Variants in DAP3 observed in about 807,000 individuals in gnomAD.
The protein encoded by DAP3 is death associated protein 3.
A neutral mutation model predicts 51.9 loss-of-function variants in DAP3; 28 were observed. That is an observed-to-expected ratio of 0.54 (90% CI 0.40 to 0.74). The LOEUF is 0.74. Ranked by LOEUF, DAP3 falls within the 30% of genes least tolerant of loss-of-function variation. The pLI, the probability that DAP3 is intolerant of heterozygous loss-of-function variation, is 0.00. For missense variants in DAP3, 458 were observed against 483.5 expected (o/e 0.95, Z 0.49); for synonymous variants, 170 against 170.3 (o/e 1.00, Z 0.01).
At position 155,729,074 on chromosome 1, in the gene DAP3, G is replaced by A. The variant is rs1203866775; in HGVS notation, c.636G>A (p.Lys212=). The change falls in exon 8 of 13, where the codon AAG becomes AAA. Residue 212 remains lysine (K), a synonymous_variant. Coordinates refer to ENST00000368336, the MANE Select transcript of DAP3 (RefSeq NM_004632.4). ...TTCAAGAGAAGTATGTCTGGAATAA[G>A]AGAGAAAGCACTGAGAAAGGGAGTC... is the stretch of plus-strand genomic sequence containing the variant. ...IKVQEKYVWN[K]RESTEKGSPL... The A allele has an allele frequency of 1.2e-6, 2 of 1,613,926 alleles. No individual in the cohort carries two copies. The highest frequency in any genetic ancestry group is 1.7e-6 in the Non-Finnish European group (2 of 1,179,998).
chr1:155,719,234 T>A (rs1019504521), intron 3 of DAP3, among the ~76,000 whole-genome samples: 1 of 780 alleles, frequency 1.3e-3, no homozygotes, highest in Non-Finnish European at 0.012. Flanking sequence ...TCTAAAACAA[T>A]TTTTTTTTTT....
At chr1:155,716,450 G>A (rs879617173) in intron 2 of DAP3, among the ~76,000 whole-genome samples, 1 of 152,044 alleles carries the variant, frequency 6.6e-6, no homozygotes, top group Non-Finnish European at 1.5e-5. Flanking sequence ...GCGGGTGCCT[G>A]TAGTCCCAGC....
intron 1 of DAP3, among the ~76,000 whole-genome samples, chr1:155,693,792 T>A (rs942209209): frequency 2.8e-5 from 4 of 141,178 alleles, no homozygotes; most frequent in Admixed American, 1.3e-4. Flanking sequence ...AGAAACCCCC[T>A]CTCTACTAAA....
intron 6 of DAP3, chr1:155,727,377 G>C (rs1434921880): frequency 1.7e-5 from 5 of 298,428 alleles, no homozygotes; most frequent in African/African-American, 8.8e-5. Context: ...GGCTGAGGCA[G>C]GATGATTGCC....
intron 5 of DAP3, 136 bp downstream of exon 5, chr1:155,725,626 G>A (rs1473116769): frequency 1.3e-5 from 11 of 840,540 alleles, no homozygotes; most frequent in Middle Eastern, 2.3e-4. Flanking sequence ...AGTTTGGGAA[G>A]CCGAGGCAGG....
At chr1:155,738,074 G>A (rs1406754330) in intron 12 of DAP3, 83 bp from the exon 13 acceptor site, 2 of 1,348,520 alleles carry the variant, frequency 1.5e-6, no homozygotes, top group South Asian at 1.2e-5. Context: ...TTTGGATATG[G>A]TAGCCTCTGA....
chr1:155,706,509 C>T (rs533307366), intron 1 of DAP3, among the ~76,000 whole-genome samples: 16 of 152,250 alleles, frequency 1.1e-4, no homozygotes, highest in East Asian at 7.7e-4. Context: ...CGGTGGCTCA[C>T]GCCTGTAATC....
At position 155,725,479 on chromosome 1, in the gene DAP3, G is replaced by A; in HGVS notation, c.368G>A (p.Arg123Gln). ...ACCAGTTTTGCTTATCCAGCTATAC[G>A]ATATCTTCTGTGTATCCTTTCCTGC... is the stretch of plus-strand genomic sequence containing the variant. ...KNTSFAYPAI[R>Q]YLLYGEKGTG... is the part of the protein sequence containing the mutation. Residue 123 changes from arginine to glutamine, a missense_variant, in exon 5 of 13, where the codon CGA (arginine) becomes CAA (glutamine). By Grantham distance (43) the Arg-to-Gln change is conservative. Coordinates refer to ENST00000368336, the MANE Select transcript of DAP3 (RefSeq NM_004632.4). 1.9e-6 allele frequency: 3 copies of A among 1,613,876 alleles called. No homozygotes were observed. Among genetic ancestry groups the A allele is most frequent in the Non-Finnish European group, 2.5e-6 (3 of 1,179,824 alleles).
At chr1:155,711,086 A>G (rs770732343) in intron 2 of DAP3, among the ~76,000 whole-genome samples, 15 of 151,952 alleles carry the variant, frequency 9.9e-5, no homozygotes, top group Non-Finnish European at 1.8e-4. Context: ...CCCTTCCCTC[A>G]GGCCTATATA....
chr1:155,715,330 C>G (rs879425096), intron 2 of DAP3, among the ~76,000 whole-genome samples: 3 of 151,398 alleles, frequency 2.0e-5, no homozygotes, highest in Non-Finnish European at 4.4e-5. Flanking sequence ...GGAGAGCAGC[C>G]TGGGCAACAT....
At chr1:155,729,822 C>A (rs895343937) in intron 9 of DAP3, among the ~76,000 whole-genome samples, 7 of 152,146 alleles carry the variant, frequency 4.6e-5, no homozygotes, top group Non-Finnish European at 8.8e-5. Flanking sequence ...GTGGCTCATG[C>A]CTGTAATCCC....
At chr1:155,717,679 C>A (rs1326119758) in intron 3 of DAP3, among the ~76,000 whole-genome samples, 2 of 152,164 alleles carry the variant, frequency 1.3e-5, no homozygotes, top group African/African-American at 4.8e-5. Flanking sequence ...ACTACTTGCC[C>A]ACAATTTTCT....
chr1:155,709,799 C>G lies in DAP3; in HGVS notation c.20C>G (p.Thr7Arg). 6.2e-7 allele frequency: 1 copy of G among 1,611,416 alleles called. No homozygotes were observed. Among genetic ancestry groups the G allele is most frequent in the Non-Finnish European group, 8.5e-7 (1 of 1,179,334 alleles). The change falls in exon 2 of 13, where the codon ACA becomes AGA. Residue 7 changes from threonine (T) to arginine (R), a missense_variant. Coordinates refer to ENST00000368336, the MANE Select transcript of DAP3 (RefSeq NM_004632.4). ...GCAAGGATGATGCTGAAAGGAATAA[C>G]AAGGCTTATCTCTAGGATCCATAAG... The part of the protein sequence containing the change: MMLKGI[T>R]RLISRIHKLD...
chr1:155,733,264 A>G, intron 11 of DAP3, among the ~76,000 whole-genome samples: 1 of 152,208 alleles, frequency 6.6e-6, no homozygotes, highest in East Asian at 1.9e-4. Context: ...TGATTTTGGA[A>G]CTGTTAGCTG....
In DAP3 at chr1:155,725,478, C is replaced by T. The variant is rs916908988; in HGVS notation, c.367C>T (p.Arg123Ter). The T allele has an allele frequency of 6.2e-6, 10 of 1,613,816 alleles. No homozygotes were observed. The highest frequency in any genetic ancestry group is 2.7e-5 in the African/African-American group (2 of 74,930). ...CACCAGTTTTGCTTATCCAGCTATACGATATCTTCTGTGTATCCTTTCCTG... is the reference window on the plus strand; with the variant it reads ...CACCAGTTTTGCTTATCCAGCTATATGATATCTTCTGTGTATCCTTTCCTG... ...KNTSFAYPAI[R>*]YLLYGEKGTG... is the part of the protein sequence containing the mutation. The change falls in exon 5 of 13, where the codon CGA (arginine) becomes TGA (stop). Residue 123 changes from arginine (R) to a stop codon, truncating the protein, a stop_gained. Coordinates refer to ENST00000368336, the MANE Select transcript of DAP3 (RefSeq NM_004632.4). LOFTEE classifies it high-confidence loss of function.
In DAP3 at chr1:155,693,961, C is replaced by CA. The variant is rs1317056063; in HGVS notation, c.-8+4796dup. On this transcript the variant is annotated intron_variant, in intron 1 of 12. Coordinates refer to ENST00000368336, the MANE Select transcript of DAP3 (RefSeq NM_004632.4). ...GTGCAACAAGAGCAAAACTCCCTCT[C>CA]AAAAAAAAAGAAAGAAAAAAAAAGA... Among the ~76,000 whole-genome samples, 7 of 135,152 alleles carry CA rather than the reference C, an allele frequency of 5.2e-5. 1 individual carries two copies. The highest frequency in any genetic ancestry group is 1.1e-4 in the African/African-American group (3 of 28,316). 88.7% of individuals were successfully genotyped at this position (135,152 alleles called of 152,430 possible).
chr1:155,695,493 G>A (rs1178530818), intron 1 of DAP3, among the ~76,000 whole-genome samples: 1 of 152,174 alleles, frequency 6.6e-6, no homozygotes, highest in Admixed American at 6.5e-5. Context: ...GTAAGTATGG[G>A]GGAAACCAAC....
At chr1:155,728,558 T>C (rs1658851623) in intron 7 of DAP3, among the ~76,000 whole-genome samples, 1 of 150,210 alleles carries the variant, frequency 6.7e-6, no homozygotes. Flanking sequence ...CGAGATATGG[T>C]CTCAAAAAAA....
At position 155,729,257 on chromosome 1, in the gene DAP3, A is replaced by T; in HGVS notation, c.734A>T (p.Lys245Ile). The T allele has an allele frequency of 6.2e-7, 1 of 1,614,206 alleles. No homozygotes were observed. Among genetic ancestry groups the T allele is most frequent in the Non-Finnish European group, 8.5e-7 (1 of 1,180,038 alleles). ...NATDAVGIVL[K>I]ELKRQSSLGM... is the part of the protein sequence containing the mutation. ...ACAGATGCAGTTGGAATTGTGCTGAAAGAGCTAAAGAGGCAAAGTTCTTTG... is the reference window on the plus strand; with the variant it reads ...ACAGATGCAGTTGGAATTGTGCTGATAGAGCTAAAGAGGCAAAGTTCTTTG... Residue 245 changes from lysine (K) to isoleucine (I), a missense_variant, in exon 9 of 13, where the codon AAA becomes ATA. By Grantham distance (102) the Lys-to-Ile change is moderately radical. Transcript: ENST00000368336.
Sources: allele counts gnomAD v4.1 joint callset (sites outside exome capture counted in the v4.1 genomes callset), GRCh38; gene constraint gnomAD v4.1.1; transcripts MANE v1.5; gene names NCBI Gene and HGNC (gene_info 2026-07-23, HGNC 2026-07-21).